ZNF385B: variants seen among roughly 807,000 people sequenced by gnomAD.
ZNF385B encodes the protein zinc finger protein 533.
Under a neutral mutation model 39.2 loss-of-function variants are expected in ZNF385B, and 23 were observed. The observed-to-expected ratio is 0.59, with a 90% CI of 0.42 to 0.83. The LOEUF (loss-of-function observed/expected upper bound fraction) is 0.83, where lower values mean the gene tolerates loss of function less well. Among genes scored for constraint, ZNF385B ranks in the 40% least tolerant of loss-of-function variants. ZNF385B has a pLI of 0.00. For missense variants in ZNF385B, 552 were observed against 598.9 expected (o/e 0.92, Z 0.82); for synonymous variants, 205 against 222.6 (o/e 0.92, Z 0.70).
chr2:179,653,835 G>A (rs577281675), intron 3 of ZNF385B, among the ~76,000 whole-genome samples: 7 of 152,190 alleles, frequency 4.6e-5, no homozygotes, highest in African/African-American at 1.7e-4. Flanking sequence ...AAACTCAGAC[G>A]AGCCAGTGCC....
chr2:179,511,135 A>G (rs1200292767), intron 5 of ZNF385B, among the ~76,000 whole-genome samples: 17 of 152,174 alleles, frequency 1.1e-4, no homozygotes, highest in Admixed American at 1.1e-3. Flanking sequence ...GCCTCATGGC[A>G]GCTGGTGGAG....
chr2:179,763,683 T>C (rs1703527544), intron 3 of ZNF385B, among the ~76,000 whole-genome samples: 1 of 152,352 alleles, frequency 6.6e-6, no homozygotes, highest in East Asian at 1.9e-4. Flanking sequence ...CCACATATTT[T>C]ACTATGTTGT....
intron 1 of ZNF385B, among the ~76,000 whole-genome samples, chr2:179,777,253 A>G (rs977732778): frequency 4.6e-5 from 7 of 152,154 alleles, no homozygotes; most frequent in African/African-American, 1.7e-4. Flanking sequence ...TATTTCAGAT[A>G]AAACTAGAAT....
chr2:179,498,195 T>C (rs2056423871), intron 5 of ZNF385B, among the ~76,000 whole-genome samples: 1 of 152,114 alleles, frequency 6.6e-6, no homozygotes, highest in South Asian at 2.1e-4. Context: ...GTCTATACTA[T>C]AGACCAAATG....
chr2:179,511,515 C>G (rs187774707), intron 5 of ZNF385B, among the ~76,000 whole-genome samples: 48 of 152,246 alleles, frequency 3.2e-4, no homozygotes, highest in African/African-American at 1.1e-3. Context: ...ATGACAGACA[C>G]AAAATGCATA....
intron 1 of ZNF385B, among the ~76,000 whole-genome samples, chr2:179,782,307 A>G (rs1027504342): frequency 6.6e-6 from 1 of 152,204 alleles, no homozygotes; most frequent in Non-Finnish European, 1.5e-5. Flanking sequence ...AAAACCTGCA[A>G]TAAACTAGGT....
intron 3 of ZNF385B, among the ~76,000 whole-genome samples, chr2:179,606,597 T>C (rs1343290450): frequency 6.6e-6 from 1 of 152,174 alleles, no homozygotes; most frequent in Non-Finnish European, 1.5e-5. Flanking sequence ...ATGCACATAA[T>C]TTAAAATTTA....
intron 3 of ZNF385B, among the ~76,000 whole-genome samples, chr2:179,598,459 A>C (rs928559729): frequency 6.6e-6 from 1 of 152,140 alleles, no homozygotes. Flanking sequence ...GCATGGTTCT[A>C]ACGTGCTTTA....
intron 5 of ZNF385B, among the ~76,000 whole-genome samples, chr2:179,503,675 T>C (rs2056964724): frequency 6.6e-6 from 1 of 152,170 alleles, no homozygotes; most frequent in African/African-American, 2.4e-5. Context: ...CCCCTTCCTG[T>C]GTCCAAGTGT....
At chr2:179,661,058 T>G (rs979605615) in intron 3 of ZNF385B, among the ~76,000 whole-genome samples, 47 of 152,196 alleles carry the variant, frequency 3.1e-4, no homozygotes, top group African/African-American at 1.1e-3. Context: ...TTCCTTAATT[T>G]GGAGATTCAA....
intron 1 of ZNF385B, among the ~76,000 whole-genome samples, chr2:179,810,634 A>G (rs1350341978): frequency 6.6e-6 from 1 of 152,000 alleles, no homozygotes; most frequent in Non-Finnish European, 1.5e-5. Flanking sequence ...AAAATATCTT[A>G]TTCTATTAAA....
intron 1 of ZNF385B, among the ~76,000 whole-genome samples, chr2:179,822,536 C>T (rs1332577822): frequency 1.3e-5 from 2 of 152,104 alleles, no homozygotes; most frequent in East Asian, 1.9e-4. Context: ...CTGCACTCAC[C>T]GAAAGTGCCA....
intron 3 of ZNF385B, among the ~76,000 whole-genome samples, chr2:179,656,144 C>G (rs1693737768): frequency 6.6e-6 from 1 of 152,008 alleles, no homozygotes. Flanking sequence ...CCTGCTAAAT[C>G]TAGATTTCTT....
At chr2:179,533,092 T>C (rs1160107611) in intron 4 of ZNF385B, among the ~76,000 whole-genome samples, 3 of 152,228 alleles carry the variant, frequency 2.0e-5, no homozygotes, top group African/African-American at 7.2e-5. Flanking sequence ...CCCAGATGCA[T>C]AGCTTCAAAG....
chr2:179,685,810 C>T (rs957167536), intron 3 of ZNF385B, among the ~76,000 whole-genome samples: 1 of 152,162 alleles, frequency 6.6e-6, no homozygotes, highest in Non-Finnish European at 1.5e-5. Flanking sequence ...AAGAGCAAAC[C>T]ATATTTAGCA....
intron 1 of ZNF385B, among the ~76,000 whole-genome samples, chr2:179,857,585 T>G (rs1394569908): frequency 6.6e-6 from 1 of 152,164 alleles, no homozygotes. Flanking sequence ...AAGGAAACAC[T>G]GCCTTCAGCC....
intron 3 of ZNF385B, among the ~76,000 whole-genome samples, chr2:179,766,630 G>A (rs897102535): frequency 2.6e-5 from 4 of 152,040 alleles, no homozygotes; most frequent in South Asian, 4.2e-4. Context: ...CTCTGTGTCC[G>A]AATTTCCGTT....
At chr2:179,613,194 C>A (rs917238061) in intron 3 of ZNF385B, among the ~76,000 whole-genome samples, 1 of 152,184 alleles carries the variant, frequency 6.6e-6, no homozygotes, top group South Asian at 2.1e-4. Flanking sequence ...AACCCTGGAA[C>A]TGAGGACCCA....
intron 3 of ZNF385B, among the ~76,000 whole-genome samples, chr2:179,767,494 T>A (rs1703771075): frequency 6.6e-6 from 1 of 152,140 alleles, no homozygotes; most frequent in African/African-American, 2.4e-5. Flanking sequence ...GAACCGAATC[T>A]TCTAAATCAA....
Sources: gnomAD v4.1 joint callset for allele counts (sites outside exome capture counted in the v4.1 genomes callset) on GRCh38, gnomAD v4.1.1 for gene constraint, MANE v1.5 for transcripts, NCBI Gene and HGNC (gene_info 2026-07-23, HGNC 2026-07-21) for gene names.